LRRC4C: variants seen among roughly 807,000 people sequenced by gnomAD.
LRRC4C encodes the protein leucine rich repeat containing 4C, also known as leucine-rich repeat-containing protein 4C.
A neutral mutation model predicts 33.6 loss-of-function variants in LRRC4C; 5 were observed. That is an observed-to-expected ratio of 0.15 (90% CI 0.08 to 0.31). LRRC4C has a LOEUF of 0.31. Ranked by LOEUF, LRRC4C falls within the 10% of genes least tolerant of loss-of-function variation. The probability of loss-of-function intolerance (pLI) is 1.00; values close to 1 mark genes in which losing one functional copy is unlikely to be tolerated. For synonymous variants in LRRC4C, 329 were observed against 302.0 expected (o/e 1.09, Z -0.93); for missense variants, 560 against 796.7 (o/e 0.70, Z 3.58).
At chr11:40,306,556 C>A (rs1161110735) in intron 4 of LRRC4C, among the ~76,000 whole-genome samples, 1 of 152,164 alleles carries the variant, frequency 6.6e-6, no homozygotes, top group Non-Finnish European at 1.5e-5. Context: ...CACTCCAGTT[C>A]AGATCCTGAC....
chr11:40,977,724 G>A (rs1191666011), intron 1 of LRRC4C, among the ~76,000 whole-genome samples: 1 of 152,118 alleles, frequency 6.6e-6, no homozygotes, highest in East Asian at 1.9e-4. Flanking sequence ...TCTGACAAGT[G>A]CCTCAAAACT....
chr11:41,085,322 T>C (rs1473483522), intron 1 of LRRC4C, among the ~76,000 whole-genome samples: 1 of 152,134 alleles, frequency 6.6e-6, no homozygotes, highest in Non-Finnish European at 1.5e-5. Flanking sequence ...CCCAACTGAA[T>C]TGTCCTGGGA....
intron 3 of LRRC4C, among the ~76,000 whole-genome samples, chr11:40,378,877 G>A (rs1295096466): frequency 2.0e-5 from 3 of 152,094 alleles, no homozygotes; most frequent in Admixed American, 1.3e-4. Context: ...ATACATATAT[G>A]GAGTTAGAAG....
intron 1 of LRRC4C, among the ~76,000 whole-genome samples, chr11:41,125,684 C>T (rs1590678105): frequency 1.3e-5 from 2 of 152,226 alleles, no homozygotes; most frequent in South Asian, 4.1e-4. Context: ...GGTATGGCTT[C>T]ATGAGTTGCT....
At chr11:40,733,511 C>T (rs1278560401) in intron 2 of LRRC4C, among the ~76,000 whole-genome samples, 1 of 152,110 alleles carries the variant, frequency 6.6e-6, no homozygotes, top group African/African-American at 2.4e-5. Context: ...ACCCACTTAG[C>T]CTGCACTTCT....
At chr11:40,488,641 C>G (rs1038715225) in intron 3 of LRRC4C, among the ~76,000 whole-genome samples, 1 of 152,022 alleles carries the variant, frequency 6.6e-6, no homozygotes, top group Non-Finnish European at 1.5e-5. Flanking sequence ...CAGCTAGATC[C>G]TCCGTGTGTT....
At position 41,174,967 on chromosome 11, in the gene LRRC4C, TAATTA is replaced by T. The variant is rs369758246; in HGVS notation, c.-495-241249_-495-241245del. On this transcript the variant is annotated intron_variant, in intron 1 of 6. Coordinates refer to ENST00000528697, the MANE Select transcript of LRRC4C (RefSeq NM_001258419.2). ...AGAGCATTTAATTAATGCCTTTAAT[TAATTA>T]AATTAATTTAATTAATGCTTTTTCT... Among the ~76,000 whole-genome samples the T allele has an allele frequency of 4.8e-3, 726 of 152,200 alleles. 5 individuals are homozygous for T. The highest frequency in any genetic ancestry group is 9.4e-3 in the South Asian group (45 of 4,812).
intron 1 of LRRC4C, among the ~76,000 whole-genome samples, chr11:41,252,819 G>A (rs1948684253): frequency 6.6e-6 from 1 of 152,112 alleles, no homozygotes; most frequent in Non-Finnish European, 1.5e-5. Flanking sequence ...GCAGGCAAGA[G>A]AGCTTGCACA....
chr11:41,445,345 C>T (rs767603928), intron 1 of LRRC4C, among the ~76,000 whole-genome samples: 2 of 152,160 alleles, frequency 1.3e-5, no homozygotes, highest in East Asian at 1.9e-4. Flanking sequence ...ATGAAGGGAT[C>T]ATAAAAGCAT....
chr11:41,004,445 A>G (rs1169033530), intron 1 of LRRC4C, among the ~76,000 whole-genome samples: 1 of 152,298 alleles, frequency 6.6e-6, no homozygotes, highest in East Asian at 1.9e-4. Flanking sequence ...TACATGAGAA[A>G]GGGTTAAAAT....
intron 3 of LRRC4C, among the ~76,000 whole-genome samples, chr11:40,480,348 TAAATA>T (rs1225878195): frequency 1.3e-5 from 2 of 150,900 alleles, no homozygotes; most frequent in East Asian, 1.9e-4. Flanking sequence ...TGAATTAAAA[TAAATA>T]AAAATAAAAA....
At chr11:40,503,932 T>C (rs187496156) in intron 3 of LRRC4C, among the ~76,000 whole-genome samples, 1 of 152,136 alleles carries the variant, frequency 6.6e-6, no homozygotes, top group African/African-American at 2.4e-5. Flanking sequence ...TGGTCAGCTA[T>C]AAACTCACTT....
rs546936449 is a variant in LRRC4C, at chr11:40,452,570, T to C, written c.-269-132849A>G. ...GGATGTGGAGAAATAGGAACACTTT[T>C]ACACTGTTGGTGGGACTGTAAACTA... On this transcript the variant is annotated intron_variant, in intron 3 of 6. Transcript: ENST00000528697. Among the ~76,000 whole-genome samples the C allele has an allele frequency of 1.3e-3, 205 of 152,316 alleles. 2 individuals are homozygous for C. The highest frequency in any genetic ancestry group is 8.4e-3 in the Admixed American group (129 of 15,306).
chr11:40,856,964 T>C (rs1036679264), intron 2 of LRRC4C, among the ~76,000 whole-genome samples: 3 of 152,162 alleles, frequency 2.0e-5, no homozygotes, highest in Non-Finnish European at 4.4e-5. Flanking sequence ...GGAAGAAGAA[T>C]GCCCAAATTG....
intron 1 of LRRC4C, among the ~76,000 whole-genome samples, chr11:41,220,864 G>C (rs1164244939): frequency 6.6e-6 from 1 of 152,072 alleles, no homozygotes; most frequent in Non-Finnish European, 1.5e-5. Context: ...TCTATGCACT[G>C]GGAATATATA....
intron 6 of LRRC4C, among the ~76,000 whole-genome samples, chr11:40,128,799 C>T (rs919511017): frequency 6.6e-6 from 1 of 152,066 alleles, no homozygotes; most frequent in Admixed American, 6.6e-5. Flanking sequence ...TTGATTTTTG[C>T]GTGGTTGGTT....
At chr11:40,220,603 G>A (rs931778257) in intron 5 of LRRC4C, among the ~76,000 whole-genome samples, 3 of 151,988 alleles carry the variant, frequency 2.0e-5, no homozygotes, top group South Asian at 2.1e-4. Flanking sequence ...CATCTTGTTG[G>A]CAAAAGCAAC....
chr11:40,411,189 G>A (rs1004852031), intron 3 of LRRC4C, among the ~76,000 whole-genome samples: 7 of 151,950 alleles, frequency 4.6e-5, no homozygotes, highest in Admixed American at 2.0e-4. Context: ...GAATTTTATC[G>A]TTGTTAGACA....
intron 1 of LRRC4C, among the ~76,000 whole-genome samples, chr11:40,984,173 A>G (rs367806220): frequency 2.3e-4 from 35 of 150,994 alleles, no homozygotes; most frequent in African/African-American, 8.3e-4. Flanking sequence ...AAGAAAAGAA[A>G]GGAAGGAAAG....
Sources: gnomAD v4.1 joint callset for allele counts (sites outside exome capture counted in the v4.1 genomes callset) on GRCh38, gnomAD v4.1.1 for gene constraint, MANE v1.5 for transcripts, NCBI Gene and HGNC (gene_info 2026-07-23, HGNC 2026-07-21) for gene names.